MBTPS1: variants seen among roughly 807,000 people sequenced by gnomAD.
MBTPS1 encodes the protein membrane bound transcription factor peptidase, site 1, also known as membrane-bound transcription factor site-1 protease.
In MBTPS1, 94 loss-of-function variants were observed where a neutral mutation model predicts 127.8. The ratio of observed to expected loss-of-function variants is 0.74; its 90% CI spans 0.62 to 0.87. The LOEUF (loss-of-function observed/expected upper bound fraction) is 0.87, where lower values mean the gene tolerates loss of function less well. Ranked by LOEUF, MBTPS1 falls within the 40% of genes least tolerant of loss-of-function variation. The probability of loss-of-function intolerance (pLI) is 0.00; values close to 1 mark genes in which losing one functional copy is unlikely to be tolerated. For missense variants in MBTPS1, 1,636 were observed against 1,353.2 expected, an observed-to-expected ratio of 1.21 and a Z score of -3.28; for synonymous variants, 632 against 509.4, an observed-to-expected ratio of 1.24 and a Z score of -3.24.
In MBTPS1 at chr16:84,054,676, G is replaced by T. The variant is rs374725136; in HGVS notation, c.2963-31C>A. The stretch of plus-strand genomic sequence containing the variant: ...AGAGGACAGCCGGTTGAACAGGCAG[G>T]AACGCCACAGAGCTACCATGACGGC... On this transcript the variant is annotated intron_variant, in intron 22 of 22. Coordinates refer to ENST00000343411, the MANE Select transcript of MBTPS1 (RefSeq NM_003791.4). 1.2e-5 allele frequency: 18 copies of T among 1,514,734 alleles called. No individual in the cohort carries two copies. The Admixed American group carries it at 3.6e-4, about 30-fold the overall frequency. 93.8% of individuals were successfully genotyped at this position (1,514,734 alleles called of 1,614,324 possible). A position where few individuals can be genotyped will look rare whatever the true frequency, so the allele number is the denominator to read the frequency against.
chr16:84,077,784 A>C (rs1026392551), intron 11 of MBTPS1, among the ~76,000 whole-genome samples: 1 of 152,232 alleles, frequency 6.6e-6, no homozygotes, highest in African/African-American at 2.4e-5. Context: ...AACACCTTAC[A>C]CTAAGTCAAA....
intron 12 of MBTPS1, among the ~76,000 whole-genome samples, chr16:84,073,558 A>C (rs2085804410): frequency 6.6e-6 from 1 of 152,196 alleles, no homozygotes; most frequent in Non-Finnish European, 1.5e-5. Flanking sequence ...TATTTAAAAA[A>C]CAGTGGCCAA....
chr16:84,055,624 C>T (rs1027347387), intron 22 of MBTPS1, among the ~76,000 whole-genome samples: 8 of 152,160 alleles, frequency 5.3e-5, no homozygotes, highest in Admixed American at 6.5e-5. Context: ...GGAGCCAGGG[C>T]GGCTGCTGCC....
chr16:84,067,508 G>A (rs886221744), intron 16 of MBTPS1, among the ~76,000 whole-genome samples, 159 bp downstream of exon 16: 8 of 152,106 alleles, frequency 5.3e-5, no homozygotes, highest in Non-Finnish European at 1.2e-4. Context: ...GTGAGCAACC[G>A]CACTCAGTCG....
chr16:84,106,477 T>G (rs551415820), intron 1 of MBTPS1, among the ~76,000 whole-genome samples: 4 of 151,654 alleles, frequency 2.6e-5, no homozygotes, highest in Non-Finnish European at 5.9e-5. Context: ...ATCCAGGCAG[T>G]GGGAAAGCAA....
intron 11 of MBTPS1, among the ~76,000 whole-genome samples, chr16:84,081,132 A>G (rs1278054803): frequency 6.6e-6 from 1 of 152,218 alleles, no homozygotes. Context: ...CCAGACTCTG[A>G]CGCTCATACT....
intron 3 of MBTPS1, among the ~76,000 whole-genome samples, chr16:84,098,279 A>G (rs1353035300): frequency 6.6e-6 from 1 of 152,224 alleles, no homozygotes; most frequent in East Asian, 1.9e-4. Flanking sequence ...TGACAAAAAC[A>G]AAACGAAACC....
intron 11 of MBTPS1, among the ~76,000 whole-genome samples, chr16:84,079,644 G>A (rs1178380254): frequency 1.3e-5 from 2 of 152,200 alleles, no homozygotes; most frequent in Non-Finnish European, 2.9e-5. Flanking sequence ...TGTGGATAAT[G>A]AGAGCCAGGC....
intron 1 of MBTPS1, chr16:84,110,654 C>T (rs2086385226): frequency 6.6e-6 from 1 of 152,180 alleles, no homozygotes; most frequent in African/African-American, 2.4e-5. Context: ...CTCCCAACAA[C>T]CCGTTACTAC....
At chr16:84,085,279 C>T in intron 9 of MBTPS1, 145 bp from the exon 10 acceptor site, 1 of 835,120 alleles carries the variant, frequency 1.2e-6, no homozygotes, top group Non-Finnish European at 1.9e-6. Context: ...GTCTGAAATT[C>T]ACTCCAGGCC....
At position 84,102,030 on chromosome 16, in the gene MBTPS1, A is replaced by G. The variant is rs138545668; in HGVS notation, c.-247T>C. 1.6e-4 allele frequency: 73 copies of G among 468,874 alleles called. No individual in the cohort carries two copies. The Middle Eastern group carries it at 3.0e-3, about 19-fold the overall frequency. 29.0% of individuals were successfully genotyped at this position (468,874 alleles called of 1,614,324 possible). Reference sequence around the variant, plus strand: ...TAAGGCTTCTCTCACTCAGGCCGTGACGACTGAGTCCTGTACTCCATTTGT... The same window carrying G: ...TAAGGCTTCTCTCACTCAGGCCGTGGCGACTGAGTCCTGTACTCCATTTGT... On this transcript the variant is annotated 5_prime_UTR_variant, in exon 2 of 23. Transcript: ENST00000343411.
chr16:84,067,023 A>G (rs7190835), intron 16 of MBTPS1, among the ~76,000 whole-genome samples: 105,268 of 151,956 alleles, frequency 0.69, 36,674 homozygotes, highest in East Asian at 0.87. Context: ...CAATAAAGGG[A>G]AGGACATTAT....
intron 19 of MBTPS1, 34 bp downstream of exon 19, chr16:84,063,271 C>T: frequency 1.9e-6 from 3 of 1,590,386 alleles, no homozygotes; most frequent in Non-Finnish European, 2.6e-6. Flanking sequence ...GATCTGAGTG[C>T]CGAAGTCACA....
At chr16:84,074,480 C>T in intron 12 of MBTPS1, 117 bp downstream of exon 12, 1 of 1,005,026 alleles carries the variant, frequency 9.9e-7, no homozygotes, top group Non-Finnish European at 1.5e-6. Flanking sequence ...GTGATCCTCT[C>T]TCCTCGGCCT....
At chr16:84,060,950 C>T (rs2151141547) in intron 19 of MBTPS1, 137 bp from the exon 20 acceptor site, 1 of 757,826 alleles carries the variant, frequency 1.3e-6, no homozygotes, top group Non-Finnish European at 2.1e-6. Context: ...CCTCCTGCCT[C>T]AGCCTCCCAA....
At position 84,054,608 on chromosome 16, in the gene MBTPS1, C is replaced by A. The variant is rs763318428; in HGVS notation, c.3000G>T (p.Gln1000His). 3 of 1,612,044 alleles carry A rather than the reference C, an allele frequency of 1.9e-6. No individual in the cohort carries two copies. Among genetic ancestry groups the A allele is most frequent in the Non-Finnish European group, 2.5e-6 (3 of 1,178,940 alleles). The change falls in exon 23 of 23, where the codon CAG (glutamine) becomes CAT (histidine). Residue 1000 changes from glutamine (Q) to histidine (H), a missense_variant. By Grantham distance (24) the Gln-to-His change is conservative. Coordinates refer to ENST00000343411, the MANE Select transcript of MBTPS1 (RefSeq NM_003791.4). The part of the protein sequence containing the change: ...MPGRYNQEVG[Q>H]TIPVFAFLGA... The stretch of plus-strand genomic sequence containing the variant: ...CCAGGAAGGCAAAGACAGGAATGGT[C>A]TGGCCCACCTCCTGGTTGTAGCGGC...
At chr16:84,068,606 G>C in intron 14 of MBTPS1, 152 bp from the exon 15 acceptor site, 1 of 629,464 alleles carries the variant, frequency 1.6e-6, no homozygotes. Flanking sequence ...ATCAGCTTAG[G>C]AGACCTGTGT....
Position 84,069,897 on chromosome 16 carries a change from T to G in MBTPS1, c.1924A>C (p.Asn642His). The G allele has an allele frequency of 1.2e-6, 2 of 1,614,152 alleles. No homozygotes were observed. The highest frequency in any genetic ancestry group is 2.2e-5 in the South Asian group (2 of 91,072). ...RYPPGYFPRD[N>H]LRMKNDPLDW... is the part of the protein sequence containing the mutation. ...AAAGGGTCATTCTTCATCCTTAAATTATCCCTGGGGAAATAGCCAGGTGGA... is the reference window on the plus strand; with the variant it reads ...AAAGGGTCATTCTTCATCCTTAAATGATCCCTGGGGAAATAGCCAGGTGGA... Residue 642 changes from asparagine (N) to histidine (H), a missense_variant, in exon 14 of 23, where the codon AAT becomes CAT. By Grantham distance (68) the Asn-to-His change is moderately conservative. Coordinates refer to ENST00000343411, the MANE Select transcript of MBTPS1 (RefSeq NM_003791.4).
intron 1 of MBTPS1, among the ~76,000 whole-genome samples, chr16:84,103,227 G>A (rs531652073): frequency 6.6e-6 from 1 of 151,730 alleles, no homozygotes; most frequent in East Asian, 1.9e-4. Flanking sequence ...AGGCCTTCCA[G>A]TGCTACTTAG....
Sources: allele counts gnomAD v4.1 joint callset (sites outside exome capture counted in the v4.1 genomes callset), GRCh38; gene constraint gnomAD v4.1.1; transcripts MANE v1.5; gene names NCBI Gene and HGNC (gene_info 2026-07-23, HGNC 2026-07-21).